Variants in ENDOD1 observed in about 807,000 individuals in gnomAD.
The protein encoded by ENDOD1 is endonuclease domain-containing 1 protein.
ENDOD1 carries 9 observed loss-of-function variants against 6.5 expected under a neutral mutation model. The ratio of observed to expected loss-of-function variants is 1.39; its 90% CI spans 0.84 to 2.43. ENDOD1 has a LOEUF of 2.43. Ranked by LOEUF, ENDOD1 falls within the 30% of genes most tolerant of loss-of-function variation. The pLI, the probability that ENDOD1 is intolerant of heterozygous loss-of-function variation, is 0.00. For missense variants in ENDOD1, 648 were observed against 635.5 expected (o/e 1.02, Z -0.21); for synonymous variants, 255 against 255.2 (o/e 1.00, Z 0.01).
chr11:95,104,447 TAAAAA>T (rs10716026), intron 1 of ENDOD1, among the ~76,000 whole-genome samples: 1 of 131,120 alleles, frequency 7.6e-6, no homozygotes, highest in African/African-American at 2.9e-5. Flanking sequence ...GACCCTGTCT[TAAAAA>T]AAAAAAAAAA....
intron 1 of ENDOD1, among the ~76,000 whole-genome samples, chr11:95,105,157 G>C (rs1015819649): frequency 2.6e-5 from 4 of 152,232 alleles, no homozygotes; most frequent in African/African-American, 9.6e-5. Context: ...GCTGGAAACA[G>C]ATGGCACTCT....
At position 95,130,706 on chromosome 11, in the gene ENDOD1, A is replaced by G. The variant is rs1237694525; in HGVS notation, c.*1127A>G. ...ATATATAAAATATTTAAGAATAATT[A>G]TATCTTAGGAAATTATTTTTACAGT... is the stretch of plus-strand genomic sequence containing the variant. On this transcript the variant is annotated 3_prime_UTR_variant, in exon 2 of 2. Coordinates refer to ENST00000278505, the MANE Select transcript of ENDOD1 (RefSeq NM_015036.3). 2.6e-5 allele frequency: 4 copies of G among 152,204 alleles called. No individual in the cohort carries two copies. The highest frequency in any genetic ancestry group is 5.9e-5 in the Non-Finnish European group (4 of 68,040). The allele number at this position is 152,204 out of a possible 1,614,324, so 9.4% of individuals were successfully genotyped here. A position where few individuals can be genotyped will look rare whatever the true frequency, so the allele number is the denominator to read the frequency against.
chr11:95,095,848 C>T (rs542043208), intron 1 of ENDOD1, among the ~76,000 whole-genome samples: 14 of 152,332 alleles, frequency 9.2e-5, no homozygotes, highest in Middle Eastern at 3.4e-3. Context: ...AAGCTCTTAA[C>T]TCTCTTTATT....
At chr11:95,103,361 C>G (rs1360394984) in intron 1 of ENDOD1, among the ~76,000 whole-genome samples, 1 of 152,146 alleles carries the variant, frequency 6.6e-6, no homozygotes, top group Non-Finnish European at 1.5e-5. Context: ...GTCAGCAGCT[C>G]TAGACTCATA....
chr11:95,090,371 C>G (rs1555109755), intron 1 of ENDOD1, 144 bp downstream of exon 1: 1 of 1,144,128 alleles, frequency 8.7e-7, no homozygotes, highest in African/African-American at 1.6e-5. Context: ...ACCCGGGTTC[C>G]AGGTCCACCC....
chr11:95,117,269 T>C (rs1003273858), intron 1 of ENDOD1, among the ~76,000 whole-genome samples: 2 of 152,062 alleles, frequency 1.3e-5, no homozygotes, highest in African/African-American at 4.8e-5. Flanking sequence ...ATTAGCCAGG[T>C]GTGGTGGCAT....
At chr11:95,117,196 G>A (rs1401508881) in intron 1 of ENDOD1, among the ~76,000 whole-genome samples, 1 of 152,194 alleles carries the variant, frequency 6.6e-6, no homozygotes, top group African/African-American at 2.4e-5. Flanking sequence ...GATCACCTCA[G>A]GTCAGGAGTT....
intron 1 of ENDOD1, among the ~76,000 whole-genome samples, chr11:95,114,908 A>G (rs1194758241): frequency 6.6e-6 from 1 of 152,182 alleles, no homozygotes; most frequent in Non-Finnish European, 1.5e-5. Context: ...TCTGTAGTAT[A>G]ATTTGAAGTC....
intron 1 of ENDOD1, among the ~76,000 whole-genome samples, chr11:95,127,705 T>C (rs1007506010): frequency 3.9e-5 from 6 of 152,352 alleles, no homozygotes; most frequent in African/African-American, 1.4e-4. Flanking sequence ...TAGAATTACT[T>C]TGAAGCTCAT....
At chr11:95,100,426 C>A (rs1439451060) in intron 1 of ENDOD1, among the ~76,000 whole-genome samples, 2 of 152,152 alleles carry the variant, frequency 1.3e-5, no homozygotes, top group African/African-American at 4.8e-5. Context: ...CCTTTCCAGC[C>A]TTATCTGGTT....
rs1555109685 is a variant in ENDOD1 at position 95,090,136 on chromosome 11, G to A, written c.209G>A (p.Ser70Asn). ...EGAERFATLYSTRDRIPVYSA... is the reference protein window; with the variant it reads ...EGAERFATLYNTRDRIPVYSA... The stretch of plus-strand genomic sequence containing the variant: ...GCTGAGCGCTTCGCCACCCTCTACA[G>A]CACCCGGGACCGCATCCCCGTGTAC... Residue 70 changes from serine (S) to asparagine (N), a missense_variant, in exon 1 of 2, where the codon AGC becomes AAC. Ser to Asn is a conservative substitution (Grantham distance 46). Transcript: ENST00000278505. The A allele has an allele frequency of 6.5e-7, 1 of 1,539,176 alleles. No homozygotes were observed. The highest frequency in any genetic ancestry group is 1.9e-5 in the Admixed American group (1 of 51,408).
rs1491376570 is a variant in ENDOD1, at chr11:95,103,100, G to GGGGTGTGTGTGTGT, written c.300+12874_300+12875insGGTGTGTGTGTGTG. Among the ~76,000 whole-genome samples the GGGGTGTGTGTGTGT allele has an allele frequency of 1.2e-3, 100 of 85,614 alleles. 1 individual carries two copies. The highest frequency in any genetic ancestry group is 2.9e-3 in the African/African-American group (92 of 31,300). The allele number at this position is 85,614 out of a possible 152,430, so 56.2% of individuals were successfully genotyped here. A position where few individuals can be genotyped will look rare whatever the true frequency, so the allele number is the denominator to read the frequency against. ...GGAAGCTAAGGAACTAGGCAGAGTGGGTGTGTGTGTGTGTGTGTGTGTGTG... is the reference window on the plus strand; with the variant it reads ...GGAAGCTAAGGAACTAGGCAGAGTGGGGGTGTGTGTGTGTGTGTGTGTGTGTGTGTGTGTGTGTG... On this transcript the variant is annotated intron_variant, in intron 1 of 1. Coordinates refer to ENST00000278505, the MANE Select transcript of ENDOD1 (RefSeq NM_015036.3).
intron 1 of ENDOD1, among the ~76,000 whole-genome samples, chr11:95,119,406 G>T (rs1555112751): frequency 6.6e-6 from 1 of 152,266 alleles, no homozygotes; most frequent in African/African-American, 2.4e-5. Flanking sequence ...TGTGGTTCTT[G>T]CAGACTCATA....
intron 1 of ENDOD1, among the ~76,000 whole-genome samples, chr11:95,093,234 C>T (rs565159834): frequency 1.4e-4 from 22 of 152,248 alleles, no homozygotes; most frequent in Non-Finnish European, 2.5e-4. Flanking sequence ...AATCTAGTTT[C>T]TCACCATGCT....
At chr11:95,115,406 C>T (rs747817515) in intron 1 of ENDOD1, among the ~76,000 whole-genome samples, 8 of 149,850 alleles carry the variant, frequency 5.3e-5, no homozygotes, top group Non-Finnish European at 8.9e-5. Flanking sequence ...GTGTGTGTGG[C>T]GTCTTTAGGT....
At chr11:95,123,591 A>C (rs1859283894) in intron 1 of ENDOD1, among the ~76,000 whole-genome samples, 1 of 89,382 alleles carries the variant, frequency 1.1e-5, no homozygotes, top group African/African-American at 4.3e-5. Flanking sequence ...TAAATACCAA[A>C]AAAAAAAAAA....
At chr11:95,104,760 G>T (rs1859073886) in intron 1 of ENDOD1, among the ~76,000 whole-genome samples, 1 of 152,172 alleles carries the variant, frequency 6.6e-6, no homozygotes, top group Admixed American at 6.5e-5. Context: ...GAACCTTCTA[G>T]AAACCAAAGG....
rs200559465 is a variant in ENDOD1 at position 95,129,154 on chromosome 11, T to A, written c.1078T>A (p.Phe360Ile). The A allele has an allele frequency of 2.2e-5, 36 of 1,614,066 alleles. No individual in the cohort carries two copies. Among genetic ancestry groups the A allele is most frequent in the Non-Finnish European group, 2.8e-5 (33 of 1,180,044 alleles). Residue 360 changes from phenylalanine (F) to isoleucine (I), a missense_variant, in exon 2 of 2, where the codon TTC (phenylalanine) becomes ATC (isoleucine). Coordinates refer to ENST00000278505, the MANE Select transcript of ENDOD1 (RefSeq NM_015036.3). ...AGCAATCCTGAAGAACATTGTCTAT[T>A]TCCTGTGGTGTGTTACCAAGCAGGT... Reference protein sequence around the residue: ...VVAILKNIVYFLWCVTKQVIN... With the variant: ...VVAILKNIVYILWCVTKQVIN...
intron 1 of ENDOD1, among the ~76,000 whole-genome samples, chr11:95,127,529 TA>T (rs1859323227): frequency 6.6e-6 from 1 of 152,190 alleles, no homozygotes; most frequent in Non-Finnish European, 1.5e-5. Flanking sequence ...CCATGTAATT[TA>T]AATGCGCTGA....
Sources: gnomAD v4.1 joint callset for allele counts (sites outside exome capture counted in the v4.1 genomes callset) on GRCh38, gnomAD v4.1.1 for gene constraint, MANE v1.5 for transcripts, NCBI Gene and HGNC (gene_info 2026-07-23, HGNC 2026-07-21) for gene names.